KMT2C: variants seen among roughly 807,000 people sequenced by gnomAD.
KMT2C encodes the protein lysine methyltransferase 2C.
KMT2C carries 88 observed loss-of-function variants against 507.9 expected under a neutral mutation model. The observed-to-expected ratio is 0.17, with a 90% CI of 0.15 to 0.21. KMT2C has a LOEUF of 0.21. Ranked by LOEUF, KMT2C falls within the 10% of genes least tolerant of loss-of-function variation. The pLI is 1.00. For synonymous variants in KMT2C, 2,049 were observed against 2,080.8 expected (o/e 0.98, Z 0.42); for missense variants, 4,954 against 5,957.8 (o/e 0.83, Z 5.55).
intron 10 of KMT2C, 97 bp from the exon 11 acceptor site, chr7:152,252,187 T>A: frequency 2.3e-6 from 2 of 854,516 alleles, no homozygotes; most frequent in Non-Finnish European, 3.5e-6. Context: ...TGAAAACAGT[T>A]AATTAAGTAT....
At chr7:152,259,249 T>C (rs114300810) in intron 9 of KMT2C, among the ~76,000 whole-genome samples, 438 of 152,292 alleles carry the variant, frequency 2.9e-3, no homozygotes, top group African/African-American at 0.01. Context: ...AACTGGAATA[T>C]GGCTAGTACA....
chr7:152,391,017 C>T (rs2097489626), intron 1 of KMT2C, among the ~76,000 whole-genome samples: 1 of 151,336 alleles, frequency 6.6e-6, no homozygotes, highest in African/African-American at 2.4e-5. Flanking sequence ...TGGTGGCAGG[C>T]GCCTGTAATC....
intron 3 of KMT2C, among the ~76,000 whole-genome samples, chr7:152,319,417 C>T (rs761878517): frequency 1.3e-5 from 2 of 152,258 alleles, no homozygotes; most frequent in East Asian, 3.9e-4. Context: ...GACAAGAGTG[C>T]GAGCCTTCTG....
chr7:152,363,675 T>C lies in KMT2C; in HGVS notation c.162-5000A>G, dbSNP rs146032727. Among the ~76,000 whole-genome samples the C allele has an allele frequency of 4.6e-3, 698 of 152,132 alleles. 5 individuals are homozygous for C. Among genetic ancestry groups the C allele is most frequent in the Admixed American group, 7.3e-3 (111 of 15,274 alleles). On this transcript the variant is annotated intron_variant, in intron 1 of 58. Transcript: ENST00000262189. ...TAGGAACCCAAAATGAGAGCTGAAA[T>C]GAGAAGACAGAAATCATAGGTTCAG...
At chr7:152,298,338 TTAC>T (rs1430707925) in intron 6 of KMT2C, among the ~76,000 whole-genome samples, 7 of 151,670 alleles carry the variant, frequency 4.6e-5, no homozygotes, top group African/African-American at 1.7e-4. Flanking sequence ...ATGAAGAAAA[TTAC>T]ATTAAGGGAT....
At chr7:152,173,832 A>T (rs1402085431) in intron 39 of KMT2C, among the ~76,000 whole-genome samples, 1 of 152,256 alleles carries the variant, frequency 6.6e-6, no homozygotes. Flanking sequence ...TATTTAAAAG[A>T]GCACAGACCT....
chr7:152,232,455 A>C (rs1486306170), intron 16 of KMT2C, among the ~76,000 whole-genome samples: 1 of 152,250 alleles, frequency 6.6e-6, no homozygotes, highest in African/African-American at 2.4e-5. Flanking sequence ...ATATAAAAAC[A>C]TGCAAAGTCA....
intron 14 of KMT2C, among the ~76,000 whole-genome samples, chr7:152,241,777 A>G (rs970967922): frequency 2.0e-5 from 3 of 152,236 alleles, no homozygotes; most frequent in African/African-American, 4.8e-5. Context: ...TTATGTTGGC[A>G]GTAGACAGTT....
intron 3 of KMT2C, among the ~76,000 whole-genome samples, chr7:152,316,112 G>C (rs1293282558): frequency 6.6e-6 from 1 of 152,164 alleles, no homozygotes; most frequent in Admixed American, 6.5e-5. Flanking sequence ...AATAGTTCCT[G>C]GGTTGAGTGG....
chr7:152,152,070 T>C (rs1305971794), intron 49 of KMT2C, among the ~76,000 whole-genome samples: 6 of 152,150 alleles, frequency 3.9e-5, no homozygotes, highest in African/African-American at 1.4e-4. Context: ...ATCATTCAGG[T>C]GCAGTGTGAA....
At chr7:152,432,544 T>C (rs2097872556) in intron 1 of KMT2C, among the ~76,000 whole-genome samples, 1 of 152,232 alleles carries the variant, frequency 6.6e-6, no homozygotes, top group African/African-American at 2.4e-5. Context: ...ACTGTGCCAC[T>C]TGACATTTGT....
At chr7:152,278,602 T>C (rs1260662955) in intron 6 of KMT2C, among the ~76,000 whole-genome samples, 1 of 152,074 alleles carries the variant, frequency 6.6e-6, no homozygotes, top group Non-Finnish European at 1.5e-5. Context: ...CAGCTATATA[T>C]ATGCACAATG....
chr7:152,239,274 A>C (rs2095340347), intron 14 of KMT2C, among the ~76,000 whole-genome samples: 1 of 152,210 alleles, frequency 6.6e-6, no homozygotes, highest in Admixed American at 6.5e-5. Context: ...TTCTATAGCT[A>C]TAAACAACCA....
chr7:152,171,424 A>C, intron 39 of KMT2C, 82 bp from the exon 40 acceptor site: 1 of 860,634 alleles, frequency 1.2e-6, no homozygotes. Flanking sequence ...TTAGGTGCTT[A>C]ACAGTTTTCT....
chr7:152,286,857 C>A (rs1171962801), intron 6 of KMT2C, among the ~76,000 whole-genome samples: 1 of 151,850 alleles, frequency 6.6e-6, no homozygotes, highest in Non-Finnish European at 1.5e-5. Flanking sequence ...CACACACATA[C>A]GTAAAACTCC....
At chr7:152,245,216 CCA>C (rs1360863207) in intron 14 of KMT2C, among the ~76,000 whole-genome samples, 1 of 152,168 alleles carries the variant, frequency 6.6e-6, no homozygotes, top group African/African-American at 2.4e-5. Flanking sequence ...GAAAGCACAG[CCA>C]CAGTCTTAGT....
At position 152,162,799 on chromosome 7, in the gene KMT2C, T is replaced by C. The variant is rs544987067; in HGVS notation, c.10778A>G (p.Tyr3593Cys). 6.8e-6 allele frequency: 11 copies of C among 1,614,214 alleles called. No homozygotes were observed. In the Admixed American group the frequency reaches 1.2e-4, roughly 17 times the overall value. The change falls in exon 43 of 59, where the codon TAT (tyrosine) becomes TGT (cysteine). Residue 3593 changes from tyrosine (Y) to cysteine (C), a missense_variant. Physicochemically the swap from Tyr to Cys is radical, Grantham distance 194. This residue lies in a region of KMT2C where 801 missense variants were observed against 751.2 expected (regional missense o/e 1.07). Transcript: ENST00000262189. ...PGSTQSLIQLYSDIIPEEKGK... is the reference protein window; with the variant it reads ...PGSTQSLIQLCSDIIPEEKGK... ...TTTTTCCTCTGGGATTATATCAGAATACAACTGAATGAGCGATTGGGTTGA... is the reference window on the plus strand; with the variant it reads ...TTTTTCCTCTGGGATTATATCAGAACACAACTGAATGAGCGATTGGGTTGA...
intron 46 of KMT2C, 148 bp from the exon 47 acceptor site, chr7:152,154,593 C>G: frequency 1.7e-6 from 1 of 603,634 alleles, no homozygotes; most frequent in Non-Finnish European, 2.9e-6. Context: ...AGCTCAGAGC[C>G]ACACTGGGAA....
chr7:152,207,855 C>G (rs894515438), intron 23 of KMT2C, among the ~76,000 whole-genome samples: 1 of 152,098 alleles, frequency 6.6e-6, no homozygotes, highest in African/African-American at 2.4e-5. Flanking sequence ...TCCTTTTTCC[C>G]ATGTTACCTA....
Sources: gnomAD v4.1 joint callset for allele counts (sites outside exome capture counted in the v4.1 genomes callset) on GRCh38, gnomAD v4.1.1 for gene constraint, gnomAD v4.1.1 regional missense constraint, MANE v1.5 for transcripts, NCBI Gene and HGNC (gene_info 2026-07-23, HGNC 2026-07-21) for gene names.